Variants in MECOM observed in about 807,000 individuals in gnomAD.
MECOM encodes MDS1 and EVI1 complex locus, also known as histone-lysine N-methyltransferase MECOM.
A neutral mutation model predicts 116.3 loss-of-function variants in MECOM; 13 were observed. The ratio of observed to expected loss-of-function variants is 0.11; its 90% CI spans 0.07 to 0.18. The LOEUF (loss-of-function observed/expected upper bound fraction) is 0.18, where lower values mean the gene tolerates loss of function less well. Among genes scored for constraint, MECOM ranks in the 10% least tolerant of loss-of-function variants. The pLI, the probability that MECOM is intolerant of heterozygous loss-of-function variation, is 1.00. For synonymous variants in MECOM, 528 were observed against 535.2 expected, an observed-to-expected ratio of 0.99 and a Z score of 0.19; for missense variants, 1,299 against 1,509.0, an observed-to-expected ratio of 0.86 and a Z score of 2.31.
intron 1 of MECOM, among the ~76,000 whole-genome samples, chr3:169,637,771 C>T (rs1772995938): frequency 6.6e-6 from 1 of 152,174 alleles, no homozygotes; most frequent in African/African-American, 2.4e-5. Context: ...AAGAGCTACT[C>T]TTCAAATTAA....
chr3:169,087,959 C>T (rs1435035296), intron 16 of MECOM, among the ~76,000 whole-genome samples: 2 of 152,186 alleles, frequency 1.3e-5, no homozygotes, highest in Non-Finnish European at 2.9e-5. Flanking sequence ...TATTACCATA[C>T]ATAATATCTC....
intron 1 of MECOM, among the ~76,000 whole-genome samples, chr3:169,482,328 C>CCT (rs1751420036): frequency 9.2e-6 from 1 of 108,396 alleles, no homozygotes; most frequent in Admixed American, 1.1e-4. Flanking sequence ...AACCCACGTT[C>CCT]TTTTTTTTTT....
intron 2 of MECOM, among the ~76,000 whole-genome samples, chr3:169,210,972 T>C (rs1454063357): frequency 6.6e-6 from 1 of 152,198 alleles, no homozygotes. Flanking sequence ...TTCAGTCTTG[T>C]TTATTCTAGT....
Position 169,090,211 on chromosome 3 carries a change from C to G in MECOM, c.3190G>C (p.Glu1064Gln). Reference protein sequence around the residue: ...ERMNGSHFKDEKALVTSQNSD... With the variant: ...ERMNGSHFKDQKALVTSQNSD... ...TTTTGACTGGTCACCAAAGCCTTTT[C>G]ATCTTTAAAATGACTGCCATTCATT... Residue 1064 changes from glutamate to glutamine, a missense_variant, in exon 15 of 17, where the codon GAA becomes CAA. Physicochemically the swap from Glu to Gln is conservative, Grantham distance 29. Transcript: ENST00000651503. 2 of 1,611,310 alleles carry G rather than the reference C, an allele frequency of 1.2e-6. No homozygotes were observed. The highest frequency in any genetic ancestry group is 8.5e-7 in the Non-Finnish European group (1 of 1,179,114).
At chr3:169,137,216 C>T (rs2149248152) in intron 3 of MECOM, among the ~76,000 whole-genome samples, 1 of 152,164 alleles carries the variant, frequency 6.6e-6, no homozygotes, top group African/African-American at 2.4e-5. Flanking sequence ...TAGCCGTTTG[C>T]ATGTTTGAAC....
intron 2 of MECOM, among the ~76,000 whole-genome samples, chr3:169,252,240 T>C (rs1756335333): frequency 1.3e-5 from 2 of 152,112 alleles, no homozygotes; most frequent in African/African-American, 4.8e-5. Context: ...CTAGCCTAGA[T>C]ATCTTTGACA....
intron 2 of MECOM, among the ~76,000 whole-genome samples, chr3:169,212,149 A>T (rs559331616): frequency 6.6e-6 from 1 of 152,212 alleles, no homozygotes; most frequent in South Asian, 2.1e-4. Context: ...ATTAGAATAT[A>T]TCTAGGAACT....
chr3:169,410,339 T>C (rs1737348246), intron 1 of MECOM, among the ~76,000 whole-genome samples: 1 of 152,228 alleles, frequency 6.6e-6, no homozygotes, highest in Admixed American at 6.5e-5. Flanking sequence ...GTTCTGTCCA[T>C]CAGCTATCCC....
In MECOM at chr3:169,175,392, C is replaced by T. The variant is rs564589578; in HGVS notation, c.376-31560G>A. Among the ~76,000 whole-genome samples, 300 of 152,232 alleles carry T rather than the reference C, an allele frequency of 2.0e-3. 1 individual carries two copies. Among genetic ancestry groups the T allele is most frequent in the South Asian group, 9.6e-3 (46 of 4,816 alleles). ...TTGCTTTCTGACAATTCAATGCCTG[C>T]AAACTTTGTTTCATGCACAAAATTA... On this transcript the variant is annotated intron_variant, in intron 2 of 16. Transcript: ENST00000651503.
chr3:169,406,904 C>T (rs1736800893), intron 1 of MECOM, among the ~76,000 whole-genome samples: 2 of 150,874 alleles, frequency 1.3e-5, no homozygotes, highest in African/African-American at 4.9e-5. Context: ...TGCAGTGATG[C>T]AATCTCGGTT....
chr3:169,654,813 AACACACACACACAC>A (rs10622808), intron 1 of MECOM, among the ~76,000 whole-genome samples: 1 of 147,988 alleles, frequency 6.8e-6, no homozygotes, highest in South Asian at 2.1e-4. Flanking sequence ...CACCTATCAA[AACACACACACACAC>A]ACACACACAC....
intron 2 of MECOM, among the ~76,000 whole-genome samples, chr3:169,218,913 C>T (rs1396931794): frequency 6.6e-6 from 1 of 151,986 alleles, no homozygotes; most frequent in Non-Finnish European, 1.5e-5. Context: ...TTCTCTTTCT[C>T]CCCCTCCTTC....
chr3:169,249,711 T>G (rs1423039011), intron 2 of MECOM, among the ~76,000 whole-genome samples: 2 of 152,208 alleles, frequency 1.3e-5, no homozygotes, highest in Admixed American at 6.5e-5. Flanking sequence ...GAACACAGTT[T>G]AAAGCCAAAT....
At chr3:169,105,164 C>G (rs1269361930) in intron 10 of MECOM, among the ~76,000 whole-genome samples, 1 of 152,170 alleles carries the variant, frequency 6.6e-6, no homozygotes, top group Non-Finnish European at 1.5e-5. Flanking sequence ...TTGAATCCTT[C>G]TTTTCATCTT....
intron 2 of MECOM, among the ~76,000 whole-genome samples, chr3:169,312,200 A>G (rs1416571174): frequency 6.6e-6 from 1 of 152,196 alleles, no homozygotes; most frequent in Non-Finnish European, 1.5e-5. Flanking sequence ...AACCAAGTAT[A>G]GTATACACTG....
chr3:169,108,629 T>C (rs1490983894), intron 9 of MECOM, among the ~76,000 whole-genome samples: 6 of 152,220 alleles, frequency 3.9e-5, no homozygotes, highest in Admixed American at 3.9e-4. Flanking sequence ...AAAGGAGATA[T>C]ATATTTTGCT....
At chr3:169,474,245 A>G (rs1033766832) in intron 1 of MECOM, among the ~76,000 whole-genome samples, 2 of 152,336 alleles carry the variant, frequency 1.3e-5, no homozygotes, top group African/African-American at 4.8e-5. Flanking sequence ...AGCAAACAAC[A>G]ACAAACTTCA....
intron 1 of MECOM, among the ~76,000 whole-genome samples, chr3:169,518,246 G>A (rs550659847): frequency 9.2e-4 from 138 of 149,276 alleles, no homozygotes; most frequent in African/African-American, 3.2e-3. Context: ...GCGACAGAGT[G>A]AGACTCCATC....
At chr3:169,548,731 A>G (rs1271341889) in intron 1 of MECOM, among the ~76,000 whole-genome samples, 1 of 152,214 alleles carries the variant, frequency 6.6e-6, no homozygotes, top group Non-Finnish European at 1.5e-5. Context: ...CCCTCTCTCC[A>G]TCATTCAGGC....
Sources: gnomAD v4.1 joint callset for allele counts (sites outside exome capture counted in the v4.1 genomes callset) on GRCh38, gnomAD v4.1.1 for gene constraint, MANE v1.5 for transcripts, NCBI Gene and HGNC (gene_info 2026-07-23, HGNC 2026-07-21) for gene names.